Variants in CACNA1D observed in about 807,000 individuals in gnomAD.
CACNA1D encodes the protein voltage-dependent L-type calcium channel subunit alpha-1D.
Under a neutral mutation model 257.1 loss-of-function variants are expected in CACNA1D, and 55 were observed. That is an observed-to-expected ratio of 0.21 (90% CI 0.17 to 0.27). The LOEUF (loss-of-function observed/expected upper bound fraction) is 0.27, where lower values mean the gene tolerates loss of function less well. Ranked by LOEUF, CACNA1D falls within the 10% of genes least tolerant of loss-of-function variation. The pLI, the probability that CACNA1D is intolerant of heterozygous loss-of-function variation, is 1.00. For synonymous variants in CACNA1D, 980 were observed against 1,014.9 expected, an observed-to-expected ratio of 0.97 and a Z score of 0.65; for missense variants, 1,876 against 2,784.0, an observed-to-expected ratio of 0.67 and a Z score of 7.34.
intron 3 of CACNA1D, among the ~76,000 whole-genome samples, chr3:53,598,237 A>G (rs917347084): frequency 6.6e-6 from 1 of 152,108 alleles, no homozygotes; most frequent in African/African-American, 2.4e-5. Context: ...CTCAGATTTC[A>G]GAGAATATTT....
At chr3:53,605,263 G>A (rs2093494165) in intron 3 of CACNA1D, among the ~76,000 whole-genome samples, 1 of 152,160 alleles carries the variant, frequency 6.6e-6, no homozygotes, top group Admixed American at 6.5e-5. Flanking sequence ...TCCTTTGTGT[G>A]TCTGGCACCG....
rs1398304310 is a variant in CACNA1D, at chr3:53,789,728, C to T, written c.4923+2776C>T. Among the ~76,000 whole-genome samples the T allele has an allele frequency of 1.3e-5, 2 of 152,244 alleles. No individual in the cohort carries two copies. The highest frequency in any genetic ancestry group is 2.1e-4 in the South Asian group (1 of 4,828). On this transcript the variant is annotated intron_variant, in intron 40 of 47. Coordinates refer to ENST00000350061, the MANE Select transcript of CACNA1D (RefSeq NM_001128840.3). This position sits in a 1 kb window ranked among gnomAD's most constrained non-coding sequence, Gnocchi z 4.2. ...GCAGAAGTGCGGACCTAGGCATGTG[C>T]GTGCTTGTGCTGCGTAGGGTGCAGT... is the stretch of plus-strand genomic sequence containing the variant.
intron 3 of CACNA1D, among the ~76,000 whole-genome samples, chr3:53,593,044 G>A (rs1429888552): frequency 6.6e-6 from 1 of 152,200 alleles, no homozygotes; most frequent in African/African-American, 2.4e-5. Context: ...GGAGTAGGAA[G>A]TTTCAAAAGT....
In CACNA1D at chr3:53,782,239, A is replaced by AGT. The variant is rs1184750172; in HGVS notation, c.4792+597_4792+598dup. 748 of 108,850 alleles carry AGT rather than the reference A, an allele frequency of 6.9e-3. 18 individuals are homozygous for AGT. The highest frequency in any genetic ancestry group is 7.5e-3 in the African/African-American group (193 of 25,736). 6.7% of individuals were successfully genotyped at this position (108,850 alleles called of 1,614,324 possible). A position where few individuals can be genotyped will look rare whatever the true frequency, so the allele number is the denominator to read the frequency against. Reference sequence around the variant, plus strand: ...AACATCTATATATATACACACATACAGTGTGTGTGTGTGTGTGTGTGTGTG... The same window carrying AGT: ...AACATCTATATATATACACACATACAGTGTGTGTGTGTGTGTGTGTGTGTGTG... On this transcript the variant is annotated intron_variant, in intron 39 of 47. Transcript: ENST00000350061.
intron 39 of CACNA1D, chr3:53,786,006 C>T (rs1466799994): frequency 2.0e-5 from 3 of 152,458 alleles, no homozygotes; most frequent in Admixed American, 1.3e-4. Flanking sequence ...GATTTGGTAG[C>T]AAGCAGCCGT....
At chr3:53,764,347 G>T (rs568683052) in intron 30 of CACNA1D, among the ~76,000 whole-genome samples, 32 of 152,276 alleles carry the variant, frequency 2.1e-4, no homozygotes, top group Non-Finnish European at 1.2e-4. Flanking sequence ...CAATCTACTC[G>T]GAGGTATATT....
At chr3:53,703,002 G>A (rs567708571) in intron 9 of CACNA1D, among the ~76,000 whole-genome samples, 192 bp downstream of exon 9, 1 of 152,350 alleles carries the variant, frequency 6.6e-6, no homozygotes, top group Non-Finnish European at 1.5e-5. Flanking sequence ...TCTGCCTGAG[G>A]TTTGGGGTTT....
chr3:53,563,045 GT>G (rs1479800325), intron 3 of CACNA1D, among the ~76,000 whole-genome samples: 1 of 152,112 alleles, frequency 6.6e-6, no homozygotes, highest in African/African-American at 2.4e-5. Context: ...TAATCTTTTT[GT>G]TTTGTTTTGT....
At chr3:53,627,312 C>T (rs370182732) in intron 3 of CACNA1D, among the ~76,000 whole-genome samples, 3 of 152,268 alleles carry the variant, frequency 2.0e-5, no homozygotes, top group East Asian at 3.9e-4. Flanking sequence ...CCCTGTGGGG[C>T]CCACTTAACT....
At chr3:53,764,621 C>T (rs1171932244) in intron 30 of CACNA1D, among the ~76,000 whole-genome samples, 1 of 152,298 alleles carries the variant, frequency 6.6e-6, no homozygotes, top group African/African-American at 2.4e-5. Flanking sequence ...GGACAGCACG[C>T]GCCCGGCTTC....
chr3:53,706,449 T>G (rs776972163), intron 9 of CACNA1D, among the ~76,000 whole-genome samples: 1 of 152,194 alleles, frequency 6.6e-6, no homozygotes, highest in Non-Finnish European at 1.5e-5. Context: ...TTAGGCAAAT[T>G]ACTCAACCTC....
chr3:53,718,829 G>C (rs2094850289), intron 10 of CACNA1D: 3 of 1,175,816 alleles, frequency 2.6e-6, no homozygotes, highest in Non-Finnish European at 3.7e-6. Flanking sequence ...ACTAGAATGT[G>C]CTACGTATTT....
chr3:53,681,061 G>A (rs1487422137), intron 8 of CACNA1D, among the ~76,000 whole-genome samples: 1 of 152,218 alleles, frequency 6.6e-6, no homozygotes, highest in Non-Finnish European at 1.5e-5. Context: ...CATTGATGGT[G>A]CCACAGAGCA....
chr3:53,722,620 G>A, intron 12 of CACNA1D, 146 bp downstream of exon 12: 1 of 853,250 alleles, frequency 1.2e-6, no homozygotes, highest in Non-Finnish European at 1.9e-6. Flanking sequence ...TCCAGACACA[G>A]CAACTACCAG....
chr3:53,753,086 T>A (rs2095239877), intron 28 of CACNA1D, among the ~76,000 whole-genome samples: 4 of 152,144 alleles, frequency 2.6e-5, no homozygotes. Flanking sequence ...AGGGATAAAT[T>A]TTCTGGCATT....
intron 3 of CACNA1D, among the ~76,000 whole-genome samples, chr3:53,607,885 ATG>A (rs1361030204): frequency 6.6e-6 from 1 of 152,154 alleles, no homozygotes; most frequent in Non-Finnish European, 1.5e-5. Context: ...ATTGGACTGT[ATG>A]TCTCTTCATA....
chr3:53,768,424 G>A (rs757800400), intron 30 of CACNA1D, among the ~76,000 whole-genome samples: 3 of 152,224 alleles, frequency 2.0e-5, no homozygotes, highest in Admixed American at 6.5e-5. Context: ...GAACCTTCCT[G>A]TGCACAGCCT....
chr3:53,777,490 C>T (rs549870347), intron 37 of CACNA1D, among the ~76,000 whole-genome samples: 5 of 152,212 alleles, frequency 3.3e-5, no homozygotes, highest in Admixed American at 6.5e-5. Flanking sequence ...AGAGCCAGAA[C>T]GAAGGCAGCA....
intron 9 of CACNA1D, among the ~76,000 whole-genome samples, chr3:53,712,882 C>T (rs554440370): frequency 7.9e-5 from 12 of 152,306 alleles, no homozygotes; most frequent in South Asian, 2.1e-4. Context: ...AGGTTCTAGA[C>T]GAGGCTGGAG....
Sources: allele counts gnomAD v4.1 joint callset (sites outside exome capture counted in the v4.1 genomes callset), GRCh38; gene constraint gnomAD v4.1.1; non-coding constraint Gnocchi (gnomAD v3.1); transcripts MANE v1.5; gene names NCBI Gene and HGNC (gene_info 2026-07-23, HGNC 2026-07-21).